DOCK5: variants seen among roughly 807,000 people sequenced by gnomAD.
DOCK5 encodes dedicator of cytokinesis protein 5.
Under a neutral mutation model 251.8 loss-of-function variants are expected in DOCK5, and 142 were observed. That is an observed-to-expected ratio of 0.56 (90% CI 0.49 to 0.65). The LOEUF (loss-of-function observed/expected upper bound fraction) is 0.65, where lower values mean the gene tolerates loss of function less well. Ranked by LOEUF, DOCK5 falls within the 30% of genes least tolerant of loss-of-function variation. The probability of loss-of-function intolerance (pLI) is 0.00; values close to 1 mark genes in which losing one functional copy is unlikely to be tolerated. For missense variants in DOCK5, 2,111 were observed against 2,312.3 expected (o/e 0.91, Z 1.79); for synonymous variants, 842 against 835.5 (o/e 1.01, Z -0.13).
chr8:25,256,618 G>A (rs1172943946), intron 2 of DOCK5, among the ~76,000 whole-genome samples: 5 of 131,902 alleles, frequency 3.8e-5, no homozygotes, highest in Admixed American at 9.0e-5. Context: ...CAGCCTGGTC[G>A]ACAGAGCGAA....
chr8:25,184,988 C>G (rs754966236), intron 1 of DOCK5, 37 bp downstream of exon 1: 2 of 1,334,192 alleles, frequency 1.5e-6, no homozygotes, highest in South Asian at 4.4e-5. Flanking sequence ...GCCCGACCCA[C>G]GCGGCCAAGT....
intron 5 of DOCK5, among the ~76,000 whole-genome samples, chr8:25,288,151 G>A (rs1804390370): frequency 1.3e-5 from 2 of 152,152 alleles, no homozygotes. Context: ...CTCCCAAAGT[G>A]CTGGGATTAC....
chr8:25,306,761 G>T (rs949583808), intron 11 of DOCK5, among the ~76,000 whole-genome samples: 1 of 152,000 alleles, frequency 6.6e-6, no homozygotes, highest in Non-Finnish European at 1.5e-5. Context: ...ATGTTAATTT[G>T]TTAATTACAT....
chr8:25,224,038 A>G lies in DOCK5; in HGVS notation c.44-19636A>G, dbSNP rs536728718. ...CAGTTAATATTTGTTGAATGAATGA[A>G]TGAGGCATTTTTAACTTTATCCTTT... On this transcript the variant is annotated intron_variant, in intron 1 of 51. Coordinates refer to ENST00000276440, the MANE Select transcript of DOCK5 (RefSeq NM_024940.8). 1.0e-3 allele frequency among the ~76,000 whole-genome samples: 153 copies of G among 152,340 alleles called. 1 individual carries two copies. Among genetic ancestry groups the G allele is most frequent in the African/African-American group, 3.5e-3 (146 of 41,582 alleles).
At chr8:25,238,537 C>T (rs537492253) in intron 1 of DOCK5, among the ~76,000 whole-genome samples, 6 of 152,274 alleles carry the variant, frequency 3.9e-5, no homozygotes, top group South Asian at 4.1e-4. Context: ...ATCCTCTAAG[C>T]GGTGACTTTT....
chr8:25,305,184 A>C (rs974136541), intron 11 of DOCK5: 1 of 152,180 alleles, frequency 6.6e-6, no homozygotes, highest in African/African-American at 2.4e-5. Flanking sequence ...ACTGCAGACA[A>C]GTAGAACAAA....
rs76945267 is a variant in DOCK5, at chr8:25,370,881, C to T, written c.3524+1240C>T. The stretch of plus-strand genomic sequence containing the variant: ...CTGGTCTGAAACTCTTGGCCTCAGG[C>T]AATCCTCCAGCCTCGGCTTCCTAAT... On this transcript the variant is annotated intron_variant, in intron 34 of 51. Transcript: ENST00000276440. Among the ~76,000 whole-genome samples the T allele has an allele frequency of 4.4e-3, 663 of 152,276 alleles. 6 individuals carry two copies. The highest frequency in any genetic ancestry group is 0.015 in the African/African-American group (634 of 41,562).
At chr8:25,214,210 C>CA (rs1260663441) in intron 1 of DOCK5, among the ~76,000 whole-genome samples, 2 of 152,150 alleles carry the variant, frequency 1.3e-5, no homozygotes, top group African/African-American at 4.8e-5. Context: ...ATGCTCAGCC[C>CA]TTAGCAGGTT....
At chr8:25,314,146 T>C (rs978143018) in intron 13 of DOCK5, among the ~76,000 whole-genome samples, 2 of 149,242 alleles carry the variant, frequency 1.3e-5, no homozygotes, top group African/African-American at 5.0e-5. Context: ...GGTCTTGCTC[T>C]GTAGCGCAGG....
chr8:25,303,997 C>G (rs1351475698), intron 10 of DOCK5, among the ~76,000 whole-genome samples: 2 of 152,138 alleles, frequency 1.3e-5, no homozygotes, highest in Non-Finnish European at 2.9e-5. Context: ...GCAACTCGAT[C>G]TTGTAGAGTT....
chr8:25,223,021 A>C (rs1403986701), intron 1 of DOCK5, among the ~76,000 whole-genome samples: 1 of 152,138 alleles, frequency 6.6e-6, no homozygotes, highest in East Asian at 1.9e-4. Flanking sequence ...GGAGCTAATT[A>C]ATCCATCCTT....
chr8:25,233,596 G>T (rs1357570455), intron 1 of DOCK5, among the ~76,000 whole-genome samples: 1 of 152,164 alleles, frequency 6.6e-6, no homozygotes, highest in Non-Finnish European at 1.5e-5. Flanking sequence ...GGGAACAGAA[G>T]CCTGCAAAGA....
rs1805058830 is a variant in DOCK5 at position 25,310,477 on chromosome 8, T to C, written c.1263T>C (p.Val421=). 17 of 1,613,846 alleles carry C rather than the reference T, an allele frequency of 1.1e-5. No individual in the cohort carries two copies. Among genetic ancestry groups the C allele is most frequent in the Non-Finnish European group, 1.4e-5 (16 of 1,179,814 alleles). ...TTCAGAAGAATTTTTCACACTTGGT[T>C]GATAGATCAACAGCAATAGCCCGGA... ...TQVQKNFSHL[V]DRSTAIARKM... Residue 421 remains valine (V), a synonymous_variant, in exon 13 of 52, where the codon GTT becomes GTC. Coordinates refer to ENST00000276440, the MANE Select transcript of DOCK5 (RefSeq NM_024940.8).
chr8:25,308,721 G>A (rs1805010280), intron 11 of DOCK5, 62 bp from the exon 12 acceptor site: 2 of 1,578,960 alleles, frequency 1.3e-6, no homozygotes, highest in African/African-American at 2.7e-5. Context: ...ATTATCTGAG[G>A]TTGTGCTGCA....
intron 5 of DOCK5, among the ~76,000 whole-genome samples, chr8:25,285,652 G>A (rs1030242731): frequency 6.6e-6 from 1 of 152,148 alleles, no homozygotes; most frequent in African/African-American, 2.4e-5. Context: ...GCATATCCAG[G>A]CAGTTTAAAG....
At chr8:25,323,788 A>G in intron 16 of DOCK5, 60 bp from the exon 17 acceptor site, 2 of 1,559,432 alleles carry the variant, frequency 1.3e-6, no homozygotes, top group Non-Finnish European at 1.7e-6. Flanking sequence ...AAATCGTGTC[A>G]TAGCCATCGC....
At chr8:25,375,300 T>C (rs1341155636) in intron 37 of DOCK5, 1 of 157,484 alleles carries the variant, frequency 6.3e-6, no homozygotes, top group Non-Finnish European at 1.4e-5. Flanking sequence ...ATAGTCATCT[T>C]CAATTTCTCT....
At chr8:25,371,858 A>G (rs1800878994) in intron 34 of DOCK5, among the ~76,000 whole-genome samples, 1 of 152,114 alleles carries the variant, frequency 6.6e-6, no homozygotes, top group Non-Finnish European at 1.5e-5. Context: ...AATGTGTTGG[A>G]CCCATTTCTT....
At chr8:25,223,029 C>G (rs369454214) in intron 1 of DOCK5, among the ~76,000 whole-genome samples, 1 of 152,128 alleles carries the variant, frequency 6.6e-6, no homozygotes, top group African/African-American at 2.4e-5. Context: ...TTAATCCATC[C>G]TTGCTTGAGC....
Sources: gnomAD v4.1 joint callset for allele counts (sites outside exome capture counted in the v4.1 genomes callset) on GRCh38, gnomAD v4.1.1 for gene constraint, MANE v1.5 for transcripts, NCBI Gene and HGNC (gene_info 2026-07-23, HGNC 2026-07-21) for gene names.